KCTD3: variants seen among roughly 807,000 people sequenced by gnomAD.
The protein encoded by KCTD3 is BTB/POZ domain-containing protein KCTD3.
In KCTD3, 41 loss-of-function variants were observed where a neutral mutation model predicts 85.8. The observed-to-expected ratio is 0.48, with a 90% CI of 0.37 to 0.62. KCTD3 has a LOEUF of 0.62. Ranked by LOEUF, KCTD3 falls within the 20% of genes least tolerant of loss-of-function variation. KCTD3 has a pLI of 0.00. For synonymous variants in KCTD3, 338 were observed against 345.4 expected (o/e 0.98, Z 0.24); for missense variants, 724 against 989.9 (o/e 0.73, Z 3.60).
intron 5 of KCTD3, 28 bp downstream of exon 5, chr1:215,577,756 T>C: frequency 1.3e-6 from 2 of 1,519,918 alleles, no homozygotes; most frequent in East Asian, 2.3e-5. Context: ...ATTTGGTGTT[T>C]ATGATTTGAC....
chr1:215,575,268 C>T (rs1659530465), intron 3 of KCTD3, among the ~76,000 whole-genome samples: 1 of 151,942 alleles, frequency 6.6e-6, no homozygotes, highest in African/African-American at 2.4e-5. Flanking sequence ...AACAAACAAA[C>T]AAAAGTTACC....
intron 8 of KCTD3, among the ~76,000 whole-genome samples, chr1:215,585,139 TTAGAG>T (rs1183471036): frequency 2.0e-5 from 3 of 152,238 alleles, no homozygotes; most frequent in African/African-American, 4.8e-5. Flanking sequence ...GGGTGAGTCC[TTAGAG>T]TAAAGTGAAA....
chr1:215,591,597 C>T (rs578049739), intron 9 of KCTD3, among the ~76,000 whole-genome samples: 5 of 152,202 alleles, frequency 3.3e-5, no homozygotes, highest in South Asian at 2.1e-4. Flanking sequence ...CCTCGTAATC[C>T]GCCCGCCTCA....
At chr1:215,610,739 C>G (rs1306287369) in intron 14 of KCTD3, among the ~76,000 whole-genome samples, 1 of 151,894 alleles carries the variant, frequency 6.6e-6, no homozygotes, top group African/African-American at 2.4e-5. Flanking sequence ...CCTATGAGAA[C>G]TTTGGTTAAC....
At chr1:215,568,482 T>TC (rs1218010597) in intron 1 of KCTD3, among the ~76,000 whole-genome samples, 14 of 13,524 alleles carry the variant, frequency 1.0e-3, no homozygotes, top group East Asian at 4.6e-3. Context: ...TTTCTGGCCT[T>TC]CCGCCCCCCC....
intron 4 of KCTD3, among the ~76,000 whole-genome samples, chr1:215,577,074 C>A (rs1435724822): frequency 6.6e-6 from 1 of 151,442 alleles, no homozygotes; most frequent in Non-Finnish European, 1.5e-5. Context: ...TGTTACTTAA[C>A]TTTACTACTA....
At chr1:215,604,064 C>T in intron 12 of KCTD3, 68 bp from the exon 13 acceptor site, 1 of 1,240,934 alleles carries the variant, frequency 8.1e-7, no homozygotes, top group Non-Finnish European at 1.1e-6. Context: ...CATAGGGAAG[C>T]TTTGCGAGGG....
At chr1:215,613,987 T>C (rs1655329732) in intron 15 of KCTD3, among the ~76,000 whole-genome samples, 1 of 150,930 alleles carries the variant, frequency 6.6e-6, no homozygotes, top group Admixed American at 6.6e-5. Context: ...TTATTTGGGC[T>C]CTTTTTTGGT....
chr1:215,591,600 C>T (rs1353201224), intron 9 of KCTD3, among the ~76,000 whole-genome samples: 2 of 152,108 alleles, frequency 1.3e-5, no homozygotes. Context: ...CGTAATCCGC[C>T]CGCCTCAGCC....
At chr1:215,614,471 T>C (rs114800008) in intron 15 of KCTD3, among the ~76,000 whole-genome samples, 79 of 152,328 alleles carry the variant, frequency 5.2e-4, no homozygotes, top group African/African-American at 1.9e-3. Flanking sequence ...TTGTTCCACT[T>C]GTTTGTGTTG....
chr1:215,604,295 T>C lies in KCTD3; in HGVS notation c.1302T>C (p.Leu434=), dbSNP rs941627204. ...VTKIMLSEKH[L]VSVCADNNHV... ...AAATCATGCTATCAGAGAAGCATCT[T>C]GTATCAGGTAAAATGATTTCATTAT... Residue 434 remains leucine, a synonymous_variant, in exon 13 of 18, where the codon CTT becomes CTC. Transcript: ENST00000259154. The C allele has an allele frequency of 2.5e-6, 4 of 1,612,590 alleles. No individual in the cohort carries two copies. Among genetic ancestry groups the C allele is most frequent in the Non-Finnish European group, 1.7e-6 (2 of 1,178,930 alleles).
At chr1:215,568,013 T>C (rs1571865627) in intron 1 of KCTD3, among the ~76,000 whole-genome samples, 1 of 152,044 alleles carries the variant, frequency 6.6e-6, no homozygotes, top group Non-Finnish European at 1.5e-5. Context: ...TGTGGCAGAG[T>C]AGCTGCTGTC....
In KCTD3 at chr1:215,620,266, G is replaced by T; in HGVS notation, c.2096G>T (p.Gly699Val). 1.2e-6 allele frequency: 2 copies of T among 1,613,910 alleles called. No homozygotes were observed. The highest frequency in any genetic ancestry group is 1.7e-6 in the Non-Finnish European group (2 of 1,179,828). ...NLGPIQAEVK[G>V]ATGECNISER... The stretch of plus-strand genomic sequence containing the variant: ...GGTCCAATACAAGCTGAAGTGAAAG[G>T]GGCAACAGGGGAATGTAATATATCT... Residue 699 changes from glycine to valine, a missense_variant, in exon 18 of 18, where the codon GGG (glycine) becomes GTG (valine). Around this residue, in one of 6 missense-constraint regions of KCTD3, gnomAD observed 222 missense variants for 217.7 expected, o/e 1.02. Coordinates refer to ENST00000259154, the MANE Select transcript of KCTD3 (RefSeq NM_016121.5).
intron 3 of KCTD3, among the ~76,000 whole-genome samples, chr1:215,575,456 C>G (rs1659535995): frequency 6.6e-6 from 1 of 152,056 alleles, no homozygotes; most frequent in African/African-American, 2.4e-5. Context: ...GCAGTATTTA[C>G]TTTTCTCAAG....
chr1:215,616,271 A>G (rs1435005222), intron 15 of KCTD3, among the ~76,000 whole-genome samples: 2 of 152,196 alleles, frequency 1.3e-5, no homozygotes, highest in East Asian at 1.9e-4. Flanking sequence ...AACATTTTAA[A>G]TCAATTTACA....
chr1:215,586,386 G>GT (rs947588959), intron 8 of KCTD3, 109 bp from the exon 9 acceptor site: 23,698 of 766,106 alleles, frequency 0.031, no homozygotes, highest in South Asian at 0.047. Context: ...TAACTGTTTA[G>GT]TTTTTTTTTT....
At chr1:215,586,711 A>G in intron 9 of KCTD3, 26 bp downstream of exon 9, 1 of 1,568,326 alleles carries the variant, frequency 6.4e-7, no homozygotes, top group Non-Finnish European at 8.7e-7. Flanking sequence ...TTTATGTTGC[A>G]ATTTGATGAT....
At chr1:215,577,565 G>A (rs745615303) in intron 4 of KCTD3, 105 bp from the exon 5 acceptor site, 35 of 714,698 alleles carry the variant, frequency 4.9e-5, no homozygotes, top group Non-Finnish European at 8.1e-5. Context: ...AATTTTTAAA[G>A]CCTTATGACT....
At position 215,603,686 on chromosome 1, in the gene KCTD3, T is replaced by G. The variant is rs983133200; in HGVS notation, c.1139-446T>G. 2.2e-4 allele frequency among the ~76,000 whole-genome samples: 34 copies of G among 152,224 alleles called. 2 individuals are homozygous for G. On this transcript the variant is annotated intron_variant, in intron 12 of 17. Transcript: ENST00000259154. The stretch of plus-strand genomic sequence containing the variant: ...AAGGAATATTGCTTTTGGAATACTA[T>G]GCTGTTTCAGTAGTGTTCTTGGCAT...
Sources: allele counts gnomAD v4.1 joint callset (sites outside exome capture counted in the v4.1 genomes callset), GRCh38; gene constraint gnomAD v4.1.1; regional missense constraint gnomAD v4.1.1; transcripts MANE v1.5; gene names NCBI Gene and HGNC (gene_info 2026-07-23, HGNC 2026-07-21).